Variants in BLOC1S5 observed in about 807,000 individuals in gnomAD.
BLOC1S5 encodes the protein biogenesis of lysosome-related organelles complex 1 subunit 5.
In BLOC1S5, 27 loss-of-function variants were observed where a neutral mutation model predicts 24.3. The ratio of observed to expected loss-of-function variants is 1.11; its 90% CI spans 0.82 to 1.53. The LOEUF (loss-of-function observed/expected upper bound fraction) is 1.53, where lower values mean the gene tolerates loss of function less well. Among genes scored for constraint, BLOC1S5 ranks in the 40% most tolerant of loss-of-function variants. BLOC1S5 has a pLI of 0.00. For synonymous variants in BLOC1S5, 84 were observed against 74.5 expected (o/e 1.13, Z -0.66); for missense variants, 239 against 229.4 (o/e 1.04, Z -0.27).
rs138127989 is a variant in BLOC1S5 at position 8,045,478 on chromosome 6, A to C, written c.196-4210T>G. 2.3e-4 allele frequency among the ~76,000 whole-genome samples: 35 copies of C among 152,190 alleles called. 1 individual carries two copies. Among genetic ancestry groups the C allele is most frequent in the African/African-American group, 8.2e-4 (34 of 41,532 alleles). ...CACTGCCTAGCGGAGTTGTGGGAAGAGGACCACCGTCCTCCAGACCCCAGA... is the reference window on the plus strand; with the variant it reads ...CACTGCCTAGCGGAGTTGTGGGAAGCGGACCACCGTCCTCCAGACCCCAGA... On this transcript the variant is annotated intron_variant, in intron 2 of 4. Coordinates refer to ENST00000397457, the MANE Select transcript of BLOC1S5 (RefSeq NM_201280.3).
rs35289860 is a variant in BLOC1S5, at chr6:8,022,568, A to ATT, written c.384+3797_384+3798dup. Among the ~76,000 whole-genome samples the ATT allele has an allele frequency of 8.3e-3, 1,024 of 123,996 alleles. 67 individuals are homozygous for ATT. Among genetic ancestry groups the ATT allele is most frequent in the African/African-American group, 0.026 (906 of 34,352 alleles). The allele number at this position is 123,996 out of a possible 152,430, so 81.3% of individuals were successfully genotyped here. A position where few individuals can be genotyped will look rare whatever the true frequency, so the allele number is the denominator to read the frequency against. ...ATATGTTACTCTATTTTCAAACTCT[A>ATT]TTTTTTTTTTCTTTTTTTTTTTTCT... On this transcript the variant is annotated intron_variant, in intron 4 of 4. Transcript: ENST00000397457.
intron 2 of BLOC1S5, among the ~76,000 whole-genome samples, chr6:8,055,154 G>C (rs1764265596): frequency 6.6e-6 from 1 of 152,196 alleles, no homozygotes; most frequent in African/African-American, 2.4e-5. Context: ...AGGTTAGGCT[G>C]GGCATGGTGG....
intron 4 of BLOC1S5, among the ~76,000 whole-genome samples, chr6:8,022,623 C>T (rs1280654177): frequency 5.0e-5 from 6 of 119,444 alleles, no homozygotes; most frequent in Non-Finnish European, 6.4e-5. Context: ...CTCGCTCTGT[C>T]GCCCAGGCTG....
Position 8,050,312 on chromosome 6 carries a change from T to C in BLOC1S5, c.196-9044A>G, listed in dbSNP as rs117260357. Among the ~76,000 whole-genome samples the C allele has an allele frequency of 6.4e-4, 98 of 152,246 alleles. 1 individual carries two copies. In the East Asian group the frequency reaches 0.017, roughly 26 times the overall value. ...ACCACAATCACATAAGACCATGAACTTAATCTATGAATGTTGGGTCTGTTC... is the reference window on the plus strand; with the variant it reads ...ACCACAATCACATAAGACCATGAACCTAATCTATGAATGTTGGGTCTGTTC... On this transcript the variant is annotated intron_variant, in intron 2 of 4. Coordinates refer to ENST00000397457, the MANE Select transcript of BLOC1S5 (RefSeq NM_201280.3).
At chr6:8,026,228 C>A (rs1338294884) in intron 4 of BLOC1S5, 139 bp downstream of exon 4, 2 of 645,632 alleles carry the variant, frequency 3.1e-6, no homozygotes, top group Non-Finnish European at 5.3e-6. Flanking sequence ...ACCTCCTCAA[C>A]ACATCTTCAA....
At chr6:8,017,555 G>A (rs932081974) in intron 4 of BLOC1S5, among the ~76,000 whole-genome samples, 10 of 152,170 alleles carry the variant, frequency 6.6e-5, no homozygotes, top group African/African-American at 2.4e-4. Flanking sequence ...CCATCTTCAG[G>A]CTGTTCATCA....
At chr6:8,034,956 TACACACAC>T (rs367754967) in intron 3 of BLOC1S5, among the ~76,000 whole-genome samples, 1 of 150,152 alleles carries the variant, frequency 6.7e-6, no homozygotes, top group African/African-American at 2.4e-5. Flanking sequence ...CACATATGCA[TACACACAC>T]ACACACACAT....
At position 8,063,386 on chromosome 6, in the gene BLOC1S5, T is replaced by C. The variant is rs1181887617; in HGVS notation, c.113-770A>G. Among the ~76,000 whole-genome samples, 4 of 152,316 alleles carry C rather than the reference T, an allele frequency of 2.6e-5. No individual in the cohort carries two copies. The East Asian group carries it at 5.8e-4, about 22-fold the overall frequency. ...AGTCTTTTGGTGAGTCAGTTTATTA[T>C]TCTTCTTAGTTACAACTATGTAGTT... is the stretch of plus-strand genomic sequence containing the variant. On this transcript the variant is annotated intron_variant, in intron 1 of 4. Coordinates refer to ENST00000397457, the MANE Select transcript of BLOC1S5 (RefSeq NM_201280.3).
At chr6:8,044,458 A>C (rs1763805952) in intron 2 of BLOC1S5, among the ~76,000 whole-genome samples, 1 of 152,068 alleles carries the variant, frequency 6.6e-6, no homozygotes, top group Admixed American at 6.5e-5. Context: ...GTACCAGTAG[A>C]GTGGGGCGTG....
At chr6:8,029,545 A>G (rs1297480643) in intron 3 of BLOC1S5, among the ~76,000 whole-genome samples, 1 of 152,210 alleles carries the variant, frequency 6.6e-6, no homozygotes, top group East Asian at 1.9e-4. Flanking sequence ...CCAGAAAAAA[A>G]GGAGAGAGGT....
At chr6:8,057,125 C>T (rs556132946) in intron 2 of BLOC1S5, among the ~76,000 whole-genome samples, 119 of 151,830 alleles carry the variant, frequency 7.8e-4, no homozygotes, top group African/African-American at 2.7e-3. Flanking sequence ...AGGCTGAGGC[C>T]GGAGAATCGC....
chr6:8,062,444 T>C (rs1266543846), intron 2 of BLOC1S5, 90 bp downstream of exon 2: 1 of 803,476 alleles, frequency 1.2e-6, no homozygotes, highest in Admixed American at 3.2e-5. Flanking sequence ...TGAACTAAAA[T>C]CCGATTTTAA....
intron 2 of BLOC1S5, among the ~76,000 whole-genome samples, chr6:8,047,168 A>T (rs755724944): frequency 0.18 from 4,911 of 26,574 alleles, 102 homozygotes; most frequent in East Asian, 0.39. Flanking sequence ...TCTCACACAC[A>T]CACACACACA....
At chr6:8,036,894 T>C (rs1459718895) in intron 3 of BLOC1S5, among the ~76,000 whole-genome samples, 1 of 151,984 alleles carries the variant, frequency 6.6e-6, no homozygotes. Flanking sequence ...AAATAACCCA[T>C]ATGGTAACCT....
intron 4 of BLOC1S5, 65 bp from the exon 5 acceptor site, chr6:8,015,893 T>G: frequency 2.6e-5 from 37 of 1,407,906 alleles, no homozygotes; most frequent in Non-Finnish European, 3.1e-5. Flanking sequence ...ACGTTATCTC[T>G]TGATACTTGG....
chr6:8,033,221 A>C (rs1004508804), intron 3 of BLOC1S5, among the ~76,000 whole-genome samples: 1 of 152,138 alleles, frequency 6.6e-6, no homozygotes, highest in East Asian at 1.9e-4. Context: ...TACCTGACTT[A>C]AAACTATACT....
chr6:8,036,873 T>A (rs1009537818), intron 3 of BLOC1S5, among the ~76,000 whole-genome samples: 1 of 152,102 alleles, frequency 6.6e-6, no homozygotes. Context: ...GTTCAACATA[T>A]GCAAATCTAT....
At chr6:8,039,891 A>G (rs2113558794) in intron 3 of BLOC1S5, among the ~76,000 whole-genome samples, 1 of 152,324 alleles carries the variant, frequency 6.6e-6, no homozygotes, top group East Asian at 1.9e-4. Context: ...TATACAGATG[A>G]TATTGAAAGG....
chr6:8,063,384 T>C (rs9942529), intron 1 of BLOC1S5, among the ~76,000 whole-genome samples: 21,133 of 152,220 alleles, frequency 0.14, 1,791 homozygotes, highest in South Asian at 0.27. Context: ...GTCAGTTTAT[T>C]ATTCTTCTTA....
Sources: allele counts gnomAD v4.1 joint callset (sites outside exome capture counted in the v4.1 genomes callset), GRCh38; gene constraint gnomAD v4.1.1; transcripts MANE v1.5; gene names NCBI Gene and HGNC (gene_info 2026-07-23, HGNC 2026-07-21).